KCNMA1: variants seen among roughly 807,000 people sequenced by gnomAD.
The protein encoded by KCNMA1 is Calcium-activated potassium channel subunit alpha-1.
Under a neutral mutation model 140.0 loss-of-function variants are expected in KCNMA1, and 29 were observed. The ratio of observed to expected loss-of-function variants is 0.21; its 90% CI spans 0.15 to 0.28. The LOEUF is 0.28. Ranked by LOEUF, KCNMA1 falls within the 10% of genes least tolerant of loss-of-function variation. The probability of loss-of-function intolerance (pLI) is 1.00; values close to 1 mark genes in which losing one functional copy is unlikely to be tolerated. For synonymous variants in KCNMA1, 612 were observed against 611.9 expected, an observed-to-expected ratio of 1.00 and a Z score of 0.00; for missense variants, 880 against 1,602.2, an observed-to-expected ratio of 0.55 and a Z score of 7.70.
At chr10:77,607,409 C>T (rs533445443) in intron 1 of KCNMA1, among the ~76,000 whole-genome samples, 4 of 152,234 alleles carry the variant, frequency 2.6e-5, no homozygotes, top group African/African-American at 9.6e-5. Context: ...ATGTCCACGT[C>T]CTCATCCCTG....
intron 5 of KCNMA1, among the ~76,000 whole-genome samples, chr10:77,131,872 G>C (rs928177949): frequency 2.0e-5 from 3 of 150,764 alleles, no homozygotes; most frequent in Admixed American, 6.6e-5. Context: ...GGCTGAGGCA[G>C]GAGAATCGCT....
intron 3 of KCNMA1, among the ~76,000 whole-genome samples, chr10:77,242,902 ACAC>A (rs1565447972): frequency 0.11 from 13,849 of 127,764 alleles, 1,465 homozygotes; most frequent in African/African-American, 0.29. Flanking sequence ...TGTTTCCTAC[ACAC>A]ACACACACAC....
chr10:77,074,810 G>A (rs1463021316), intron 13 of KCNMA1, among the ~76,000 whole-genome samples: 1 of 152,174 alleles, frequency 6.6e-6, no homozygotes, highest in East Asian at 1.9e-4. Context: ...GAATCAGAGA[G>A]CCCTTCTAAG....
At chr10:77,268,242 C>T (rs888041793) in intron 2 of KCNMA1, among the ~76,000 whole-genome samples, 1 of 152,142 alleles carries the variant, frequency 6.6e-6, no homozygotes, top group Admixed American at 6.5e-5. Flanking sequence ...GTTTCTAGTT[C>T]TCTGTTTAGT....
rs1327955377 is a variant in KCNMA1, at chr10:77,403,967, C to T, written c.435G>A (p.Val145=). The T allele has an allele frequency of 6.2e-7, 1 of 1,614,190 alleles. No individual in the cohort carries two copies. The highest frequency in any genetic ancestry group is 8.5e-7 in the Non-Finnish European group (1 of 1,180,038). The part of the protein sequence containing the change: ...SSQADGTLKP[V]DEKEEAVAAE... ...CGGCCACTGCCTCCTCTTTTTCATC[C>T]ACTGGTTTGAGAGTGCCATCCGCCT... Residue 145 remains valine (V), a synonymous_variant, in exon 2 of 28, where the codon GTG becomes GTA. Transcript: ENST00000286628.
intron 23 of KCNMA1, among the ~76,000 whole-genome samples, chr10:76,932,651 ATCTTTATTATG>A (rs1428629235): frequency 6.6e-6 from 1 of 152,134 alleles, no homozygotes; most frequent in Non-Finnish European, 1.5e-5. Flanking sequence ...GAAATCTGGA[ATCTTTATTATG>A]TCAAATTGCT....
At chr10:77,361,900 C>T (rs1425411617) in intron 2 of KCNMA1, among the ~76,000 whole-genome samples, 1 of 152,186 alleles carries the variant, frequency 6.6e-6, no homozygotes, top group Admixed American at 6.5e-5. Context: ...CTCAGCCTTG[C>T]AAATGGGAGC....
intron 20 of KCNMA1, among the ~76,000 whole-genome samples, chr10:76,954,912 A>G (rs960216961): frequency 3.9e-5 from 6 of 152,158 alleles, no homozygotes; most frequent in Non-Finnish European, 5.9e-5. Context: ...ACAATAAATA[A>G]GCTCCTGCAC....
intron 1 of KCNMA1, among the ~76,000 whole-genome samples, chr10:77,606,793 C>T (rs527799296): frequency 6.6e-6 from 1 of 152,214 alleles, no homozygotes; most frequent in South Asian, 2.1e-4. Context: ...CAGGAAGAGC[C>T]ACCAAGAGTT....
intron 2 of KCNMA1, among the ~76,000 whole-genome samples, chr10:77,368,298 T>G (rs2094486060): frequency 6.6e-6 from 1 of 152,238 alleles, no homozygotes; most frequent in Admixed American, 6.5e-5. Flanking sequence ...CTAAAGATGC[T>G]GATGTTCTTT....
chr10:77,083,838 G>GA (rs201763383), intron 12 of KCNMA1, among the ~76,000 whole-genome samples: 1,161 of 90,268 alleles, frequency 0.013, 9 homozygotes, highest in African/African-American at 0.022. Flanking sequence ...CTGTCTCTAT[G>GA]AAAAAAAACG....
intron 1 of KCNMA1, among the ~76,000 whole-genome samples, chr10:77,528,620 AAAAG>A (rs1478587288): frequency 2.7e-5 from 4 of 150,216 alleles, no homozygotes; most frequent in African/African-American, 9.9e-5. Context: ...AAAAAAAAAA[AAAAG>A]AAAAGAAAAG....
chr10:77,337,729 C>T (rs146366262), intron 2 of KCNMA1, among the ~76,000 whole-genome samples: 1 of 152,348 alleles, frequency 6.6e-6, no homozygotes, highest in Non-Finnish European at 1.5e-5. Context: ...CTGCTCTTCA[C>T]ATCCTAGGCA....
rs568845053 is a variant in KCNMA1, at chr10:77,625,388, A to T, written c.378+11877T>A. Among the ~76,000 whole-genome samples the T allele has an allele frequency of 2.6e-5, 4 of 152,276 alleles. No homozygotes were observed. The South Asian group carries it at 8.3e-4, about 32-fold the overall frequency. ...AGAGCGAGACTCTGCCAAAAAAAAA[A>T]GTACCATCTCAACCATTTTTAAGTG... On this transcript the variant is annotated intron_variant, in intron 1 of 27. Coordinates refer to ENST00000286628, the MANE Select transcript of KCNMA1 (RefSeq NM_001161352.2).
chr10:77,074,212 T>G (rs2096308426), intron 13 of KCNMA1, among the ~76,000 whole-genome samples: 1 of 152,102 alleles, frequency 6.6e-6, no homozygotes, highest in Non-Finnish European at 1.5e-5. Flanking sequence ...AAAGCTAAAT[T>G]TAAGTGTGTG....
At chr10:77,324,971 C>CTCTCTCTCTCTCTCTCTGTG (rs766240356) in intron 2 of KCNMA1, among the ~76,000 whole-genome samples, 82 of 90,428 alleles carry the variant, frequency 9.1e-4, no homozygotes, top group Non-Finnish European at 1.6e-3. Context: ...CTCTCTCTCT[C>CTCTCTCTCTCTCTCTCTGTG]TGTGTGTGTG....
At chr10:77,191,301 T>C (rs543309044) in intron 3 of KCNMA1, among the ~76,000 whole-genome samples, 1 of 152,294 alleles carries the variant, frequency 6.6e-6, no homozygotes, top group African/African-American at 2.4e-5. Context: ...ATAACAATAA[T>C]GGATTTAGTG....
rs2095430613 is a variant in KCNMA1, at chr10:77,382,671, C to G, written c.540+21191G>C. Among the ~76,000 whole-genome samples, 4 of 151,862 alleles carry G rather than the reference C, an allele frequency of 2.6e-5. No individual in the cohort carries two copies. In the South Asian group the frequency reaches 8.3e-4, roughly 32 times the overall value. Reference sequence around the variant, plus strand: ...CCTGAGGTCAGGAGTTTGAGAACAGCTTGGCCAACATGGTAAAACCCTGTC... The same window carrying G: ...CCTGAGGTCAGGAGTTTGAGAACAGGTTGGCCAACATGGTAAAACCCTGTC... On this transcript the variant is annotated intron_variant, in intron 2 of 27. Coordinates refer to ENST00000286628, the MANE Select transcript of KCNMA1 (RefSeq NM_001161352.2).
chr10:77,210,396 G>A (rs1037628507), intron 3 of KCNMA1, among the ~76,000 whole-genome samples: 3 of 152,120 alleles, frequency 2.0e-5, no homozygotes, highest in Non-Finnish European at 4.4e-5. Flanking sequence ...AAAAGAGTAA[G>A]CATCAAAGGA....
Sources: allele counts gnomAD v4.1 joint callset (sites outside exome capture counted in the v4.1 genomes callset), GRCh38; gene constraint gnomAD v4.1.1; transcripts MANE v1.5; gene names NCBI Gene and HGNC (gene_info 2026-07-23, HGNC 2026-07-21).